CHSY3: variants seen among roughly 807,000 people sequenced by gnomAD.
CHSY3 encodes N-acetylgalactosaminyl-proteoglycan 3-beta-glucuronosyltransferase 3.
CHSY3 carries 35 observed loss-of-function variants against 67.2 expected under a neutral mutation model. The ratio of observed to expected loss-of-function variants is 0.52; its 90% CI spans 0.40 to 0.69. The LOEUF (loss-of-function observed/expected upper bound fraction) is 0.69, where lower values mean the gene tolerates loss of function less well. CHSY3 is among the 30% of genes least tolerant of loss of function. The pLI, the probability that CHSY3 is intolerant of heterozygous loss-of-function variation, is 0.00. For synonymous variants in CHSY3, 474 were observed against 434.7 expected, an observed-to-expected ratio of 1.09 and a Z score of -1.12; for missense variants, 1,069 against 1,138.5, an observed-to-expected ratio of 0.94 and a Z score of 0.88.
At position 129,905,231 on chromosome 5, in the gene CHSY3, C is replaced by T. The variant is rs556180521; in HGVS notation, c.402C>T (p.Pro134=). ...GTGCTCCAGCGGCCGAGGGGGAGCC[C>T]GAGGAGGAGGACGGGGGCGCGGCTG... ...LPGAPAAEGE[P]EEEDGGAAGQ... is the part of the protein sequence containing the mutation. The change falls in exon 1 of 3, where the codon CCC becomes CCT. Residue 134 remains proline (P), a synonymous_variant. Transcript: ENST00000305031. 1.6e-3 allele frequency: 2,447 copies of T among 1,493,422 alleles called. 13 individuals carry two copies. In the Admixed American group the frequency reaches 0.02, roughly 12 times the overall value. 92.5% of individuals were successfully genotyped at this position (1,493,422 alleles called of 1,614,324 possible). A position where few individuals can be genotyped will look rare whatever the true frequency, so the allele number is the denominator to read the frequency against.
intron 2 of CHSY3, among the ~76,000 whole-genome samples, chr5:129,961,504 T>C (rs1762324930): frequency 1.3e-5 from 2 of 152,036 alleles, no homozygotes; most frequent in Non-Finnish European, 2.9e-5. Context: ...GAGCATACTG[T>C]ACACAGTATG....
chr5:130,014,000 T>TTCCA (rs1178357827), intron 2 of CHSY3, among the ~76,000 whole-genome samples: 1 of 152,188 alleles, frequency 6.6e-6, no homozygotes, highest in Admixed American at 6.5e-5. Flanking sequence ...AAGTTTAAAG[T>TTCCA]TCCACATATC....
chr5:130,098,928 T>G (rs1449308103), intron 2 of CHSY3, among the ~76,000 whole-genome samples: 1 of 152,310 alleles, frequency 6.6e-6, no homozygotes, highest in East Asian at 1.9e-4. Flanking sequence ...GTGTTAGAAT[T>G]TTTCCCTAAA....
intron 2 of CHSY3, among the ~76,000 whole-genome samples, chr5:129,989,280 A>C (rs1439657822): frequency 1.8e-5 from 1 of 55,276 alleles, no homozygotes; most frequent in African/African-American, 8.1e-5. Flanking sequence ...TTTTTTTTTG[A>C]GACAGAGTTT....
intron 2 of CHSY3, among the ~76,000 whole-genome samples, chr5:129,925,060 T>C (rs946014081): frequency 6.6e-6 from 1 of 152,130 alleles, no homozygotes; most frequent in Non-Finnish European, 1.5e-5. Context: ...AGTAAACAAA[T>C]AGATGATCAC....
intron 2 of CHSY3, among the ~76,000 whole-genome samples, chr5:130,146,743 T>C (rs571901249): frequency 6.6e-6 from 1 of 152,220 alleles, no homozygotes; most frequent in South Asian, 2.1e-4. Context: ...TCTACAATTA[T>C]AGTGTGCTAA....
At position 130,184,787 on chromosome 5, in the gene CHSY3, A is replaced by G; in HGVS notation, c.1645A>G (p.Lys549Glu). Residue 549 changes from lysine (K) to glutamate (E), a missense_variant, in exon 3 of 3, where the codon AAG (lysine) becomes GAG (glutamate). Coordinates refer to ENST00000305031, the MANE Select transcript of CHSY3 (RefSeq NM_175856.5). Reference sequence around the variant, plus strand: ...TTTACTCCTTTTATACAAAAGACACAAGGGAAGGAAACTGACTGTGCCAGT... The same window carrying G: ...TTTACTCCTTTTATACAAAAGACACGAGGGAAGGAAACTGACTGTGCCAGT... ...LDLLLLYKRH[K>E]GRKLTVPVRR... 6.2e-7 allele frequency: 1 copy of G among 1,606,704 alleles called. No homozygotes were observed.
intron 2 of CHSY3, among the ~76,000 whole-genome samples, chr5:130,169,087 A>G (rs559038826): frequency 6.6e-6 from 1 of 152,270 alleles, no homozygotes; most frequent in East Asian, 1.9e-4. Flanking sequence ...TCATATTGTC[A>G]TAGAGTATAG....
At chr5:130,002,383 C>A (rs1489143279) in intron 2 of CHSY3, among the ~76,000 whole-genome samples, 2 of 152,092 alleles carry the variant, frequency 1.3e-5, no homozygotes, top group African/African-American at 4.8e-5. Flanking sequence ...TGTTTAAAAG[C>A]CTTTTCTGGA....
At chr5:130,066,258 A>G (rs1367611837) in intron 2 of CHSY3, among the ~76,000 whole-genome samples, 1 of 152,082 alleles carries the variant, frequency 6.6e-6, no homozygotes, top group Non-Finnish European at 1.5e-5. Flanking sequence ...GCACACAACT[A>G]TGCTGGGTAT....
intron 2 of CHSY3, among the ~76,000 whole-genome samples, chr5:129,942,609 G>T (rs1761731514): frequency 6.6e-6 from 1 of 152,056 alleles, no homozygotes; most frequent in South Asian, 2.1e-4. Flanking sequence ...TTTTACAATA[G>T]CCTGAGTGTA....
In CHSY3 at chr5:129,941,210, T is replaced by TAATA. The variant is rs1356468788; in HGVS notation, c.1086+32862_1086+32865dup. On this transcript the variant is annotated intron_variant, in intron 2 of 2. Coordinates refer to ENST00000305031, the MANE Select transcript of CHSY3 (RefSeq NM_175856.5). ...AGAGAAAGATCCTGTCTTAATAAAT[T>TAATA]AATAAATAAATAAATGCAGTTTTAG... Among the ~76,000 whole-genome samples the TAATA allele has an allele frequency of 2.1e-4, 32 of 152,216 alleles. No individual in the cohort carries two copies. The South Asian group carries it at 6.2e-3, about 30-fold the overall frequency.
intron 2 of CHSY3, among the ~76,000 whole-genome samples, chr5:130,100,232 A>G (rs1767188984): frequency 6.6e-6 from 1 of 152,062 alleles, no homozygotes; most frequent in African/African-American, 2.4e-5. Context: ...CCCAGGCTGG[A>G]GTGCAGTCGC....
chr5:129,953,835 TTTC>T (rs1192690907), intron 2 of CHSY3, among the ~76,000 whole-genome samples: 2 of 152,214 alleles, frequency 1.3e-5, no homozygotes, highest in Admixed American at 1.3e-4. Flanking sequence ...TGTTTGTTTT[TTTC>T]TTGTTAATTT....
chr5:130,069,547 A>G lies in CHSY3; in HGVS notation c.1087-114682A>G, dbSNP rs148298333. ...AACTTACATGGAACAATTTTCTCAC[A>G]TAATTATTTTTTTGACATGCCATGG... On this transcript the variant is annotated intron_variant, in intron 2 of 2. Coordinates refer to ENST00000305031, the MANE Select transcript of CHSY3 (RefSeq NM_175856.5). Among the ~76,000 whole-genome samples the G allele has an allele frequency of 3.8e-3, 579 of 152,184 alleles. 7 individuals are homozygous for G. Among genetic ancestry groups the G allele is most frequent in the Middle Eastern group, 0.014 (4 of 294 alleles).
chr5:130,048,885 GGAA>G (rs1230797717), intron 2 of CHSY3, among the ~76,000 whole-genome samples: 5 of 151,958 alleles, frequency 3.3e-5, no homozygotes, highest in African/African-American at 1.2e-4. Context: ...CAGTTAGACA[GGAA>G]GAATGAATTT....
chr5:130,017,125 T>C (rs1229503794), intron 2 of CHSY3, among the ~76,000 whole-genome samples: 1 of 152,046 alleles, frequency 6.6e-6, no homozygotes, highest in East Asian at 1.9e-4. Context: ...TTTTTAAAAT[T>C]AGTTTCTTTA....
chr5:130,127,293 C>T (rs1768325336), intron 2 of CHSY3, among the ~76,000 whole-genome samples: 1 of 152,100 alleles, frequency 6.6e-6, no homozygotes, highest in African/African-American at 2.4e-5. Flanking sequence ...CTATTTCATG[C>T]CATGCTCTGT....
At chr5:129,967,109 C>T (rs111425738) in intron 2 of CHSY3, among the ~76,000 whole-genome samples, 45 of 151,898 alleles carry the variant, frequency 3.0e-4, no homozygotes, top group African/African-American at 1.0e-3. Context: ...GAATTCACTC[C>T]TTAACTGGCT....
Sources: gnomAD v4.1 joint callset for allele counts (sites outside exome capture counted in the v4.1 genomes callset) on GRCh38, gnomAD v4.1.1 for gene constraint, MANE v1.5 for transcripts, NCBI Gene and HGNC (gene_info 2026-07-23, HGNC 2026-07-21) for gene names.